Variants in ADAMTS3 observed in about 807,000 individuals in gnomAD.
ADAMTS3 encodes A disintegrin and metalloproteinase with thrombospondin motifs 3.
A neutral mutation model predicts 129.0 loss-of-function variants in ADAMTS3; 73 were observed. The ratio of observed to expected loss-of-function variants is 0.57; its 90% CI spans 0.47 to 0.69. ADAMTS3 has a LOEUF of 0.69. ADAMTS3 is among the 30% of genes least tolerant of loss of function. The probability of loss-of-function intolerance (pLI) is 0.00; values close to 1 mark genes in which losing one functional copy is unlikely to be tolerated. For missense variants in ADAMTS3, 1,457 were observed against 1,514.5 expected, an observed-to-expected ratio of 0.96 and a Z score of 0.63; for synonymous variants, 477 against 510.8, an observed-to-expected ratio of 0.93 and a Z score of 0.89.
At chr4:72,487,584 T>C (rs1357613018) in intron 3 of ADAMTS3, among the ~76,000 whole-genome samples, 1 of 152,160 alleles carries the variant, frequency 6.6e-6, no homozygotes, top group Non-Finnish European at 1.5e-5. Context: ...AGATTTACCA[T>C]GAGCATGCAG....
intron 3 of ADAMTS3, among the ~76,000 whole-genome samples, chr4:72,516,268 C>A (rs542605783): frequency 2.0e-5 from 3 of 152,080 alleles, no homozygotes; most frequent in African/African-American, 7.2e-5. Context: ...AGTCAGGTAG[C>A]GTGATGCCTC....
chr4:72,388,799 C>A (rs900279731), intron 4 of ADAMTS3, among the ~76,000 whole-genome samples: 2 of 152,120 alleles, frequency 1.3e-5, no homozygotes, highest in Non-Finnish European at 2.9e-5. Flanking sequence ...ACAGTGAAAG[C>A]ATACAAAGAA....
chr4:72,358,146 G>T (rs900939060), intron 4 of ADAMTS3, among the ~76,000 whole-genome samples: 1 of 151,832 alleles, frequency 6.6e-6, no homozygotes, highest in African/African-American at 2.4e-5. Flanking sequence ...CCAGCTTTTT[G>T]CCAAAGATGC....
intron 4 of ADAMTS3, among the ~76,000 whole-genome samples, chr4:72,388,994 T>C (rs72852021): frequency 0.013 from 2,024 of 152,278 alleles, 42 homozygotes; most frequent in African/African-American, 0.046. Flanking sequence ...TGAGATTTTG[T>C]TGGGGGCTGG....
intron 3 of ADAMTS3, among the ~76,000 whole-genome samples, chr4:72,418,131 G>A (rs1237633836): frequency 2.6e-5 from 4 of 151,780 alleles, no homozygotes; most frequent in Non-Finnish European, 4.4e-5. Context: ...GTAAAATCAA[G>A]TAAAATTTTT....
At chr4:72,311,283 T>C in intron 13 of ADAMTS3, 102 bp from the exon 14 acceptor site, 1 of 1,078,720 alleles carries the variant, frequency 9.3e-7, no homozygotes, top group Non-Finnish European at 1.3e-6. Flanking sequence ...TGTGATTTCC[T>C]GAAAACAAAA....
At chr4:72,427,706 G>A (rs545198233) in intron 3 of ADAMTS3, among the ~76,000 whole-genome samples, 1 of 152,044 alleles carries the variant, frequency 6.6e-6, no homozygotes, top group Admixed American at 6.6e-5. Flanking sequence ...AAATTCAGAG[G>A]GTTGGCAAAA....
In ADAMTS3 at chr4:72,563,096, T is replaced by C. The variant is rs576158512; in HGVS notation, c.97+4278A>G. On this transcript the variant is annotated intron_variant, in intron 2 of 21. Transcript: ENST00000286657. The stretch of plus-strand genomic sequence containing the variant: ...AAGCAGAGGCGACCTTGAGGGTTTT[T>C]TAACATTTCTGAGCAATATTATAAT... 2.6e-5 allele frequency among the ~76,000 whole-genome samples: 4 copies of C among 152,302 alleles called. No individual in the cohort carries two copies. In the South Asian group the frequency reaches 6.2e-4, roughly 24 times the overall value.
intron 18 of ADAMTS3, 50 bp from the exon 19 acceptor site, chr4:72,295,836 T>A (rs749208545): frequency 6.3e-7 from 1 of 1,583,096 alleles, no homozygotes; most frequent in Non-Finnish European, 8.6e-7. Flanking sequence ...TTCATGCTGA[T>A]AGTTACTTGA....
Position 72,544,688 on chromosome 4 carries a change from T to C in ADAMTS3, c.504+3790A>G, listed in dbSNP as rs76940252. On this transcript the variant is annotated intron_variant, in intron 3 of 21. Coordinates refer to ENST00000286657, the MANE Select transcript of ADAMTS3 (RefSeq NM_014243.3). ...TTTCAGATGTGCTCAAGCAATATTT[T>C]CACAGTTCTTAAAGCATTTCTTTAT... Among the ~76,000 whole-genome samples the C allele has an allele frequency of 1.9e-3, 287 of 152,344 alleles. 6 individuals are homozygous for C. The East Asian group carries it at 0.048, about 25-fold the overall frequency.
intron 11 of ADAMTS3, among the ~76,000 whole-genome samples, chr4:72,315,370 G>C (rs1719363078): frequency 6.6e-6 from 1 of 152,138 alleles, no homozygotes; most frequent in Non-Finnish European, 1.5e-5. Flanking sequence ...TATCCATGGG[G>C]TCCTAAATGC....
chr4:72,505,509 G>T (rs757541608), intron 3 of ADAMTS3, among the ~76,000 whole-genome samples: 17 of 152,158 alleles, frequency 1.1e-4, no homozygotes, highest in Non-Finnish European at 2.4e-4. Context: ...CCAGGGAATG[G>T]GCTGACTCCT....
intron 3 of ADAMTS3, among the ~76,000 whole-genome samples, chr4:72,510,906 A>C (rs1375599820): frequency 9.2e-5 from 14 of 151,678 alleles, no homozygotes; most frequent in Non-Finnish European, 2.9e-5. Context: ...ACAAAACAGC[A>C]TGATACTGGT....
intron 4 of ADAMTS3, among the ~76,000 whole-genome samples, chr4:72,407,190 G>A (rs1722072131): frequency 6.6e-6 from 1 of 152,008 alleles, no homozygotes; most frequent in African/African-American, 2.4e-5. Flanking sequence ...CATACTAAAT[G>A]AGGAAAGACA....
rs1194980898 is a variant in ADAMTS3 at position 72,288,846 on chromosome 4, C to G, written c.2954G>C (p.Gly985Ala). 4 of 1,612,590 alleles carry G rather than the reference C, an allele frequency of 2.5e-6. No homozygotes were observed. The highest frequency in any genetic ancestry group is 2.5e-6 in the Non-Finnish European group (3 of 1,179,316). ...WSECSVTCGE[G>A]TEVRQVLCRA... Reference sequence around the variant, plus strand: ...GCAGAGGACCTGCCTCACCTCCGTTCCTTCACCGCAGGTCACTGAACACTG... The same window carrying G: ...GCAGAGGACCTGCCTCACCTCCGTTGCTTCACCGCAGGTCACTGAACACTG... The change falls in exon 21 of 22, where the codon GGA (glycine) becomes GCA (alanine). Residue 985 changes from glycine (G) to alanine (A), a missense_variant. Coordinates refer to ENST00000286657, the MANE Select transcript of ADAMTS3 (RefSeq NM_014243.3).
chr4:72,482,562 G>A (rs1719467679), intron 3 of ADAMTS3, among the ~76,000 whole-genome samples: 1 of 152,004 alleles, frequency 6.6e-6, no homozygotes, highest in South Asian at 2.1e-4. Context: ...ATATGAGAAA[G>A]CCTTTTAGTC....
chr4:72,305,877 T>C (rs1456427541), intron 16 of ADAMTS3, 110 bp downstream of exon 16: 4 of 897,398 alleles, frequency 4.5e-6, no homozygotes, highest in South Asian at 2.9e-5. Flanking sequence ...TATGTACATA[T>C]ACGTATGCAC....
At chr4:72,346,383 A>G (rs1720283929) in intron 4 of ADAMTS3, among the ~76,000 whole-genome samples, 2 of 152,054 alleles carry the variant, frequency 1.3e-5, no homozygotes, top group Non-Finnish European at 2.9e-5. Context: ...TATCTTTTAT[A>G]CCTAGTTTTC....
At chr4:72,434,384 GAACTC>G (rs1722769774) in intron 3 of ADAMTS3, among the ~76,000 whole-genome samples, 1 of 151,636 alleles carries the variant, frequency 6.6e-6, no homozygotes, top group Non-Finnish European at 1.5e-5. Context: ...ACTAAGACAT[GAACTC>G]GTGTCTTTTA....
Sources: gnomAD v4.1 joint callset for allele counts (sites outside exome capture counted in the v4.1 genomes callset) on GRCh38, gnomAD v4.1.1 for gene constraint, MANE v1.5 for transcripts, NCBI Gene and HGNC (gene_info 2026-07-23, HGNC 2026-07-21) for gene names.